The following SERAC1 variants were observed in gnomAD, a reference collection of about 807,000 sequenced individuals.
SERAC1 encodes serine active site containing 1, also known as protein SERAC1.
In SERAC1, 36 loss-of-function variants were observed where a neutral mutation model predicts 85.7. That is an observed-to-expected ratio of 0.42 (90% CI 0.32 to 0.55). The LOEUF (loss-of-function observed/expected upper bound fraction) is 0.55. Among genes scored for constraint, SERAC1 ranks in the 20% least tolerant of loss-of-function variants. The pLI, the probability that SERAC1 is intolerant of heterozygous loss-of-function variation, is 0.11. For synonymous variants in SERAC1, 242 were observed against 265.3 expected (o/e 0.91, Z 0.85); for missense variants, 629 against 796.2 (o/e 0.79, Z 2.53).
intron 8 of SERAC1, among the ~76,000 whole-genome samples, chr6:158,138,934 G>A (rs1418414443): frequency 6.6e-6 from 1 of 152,078 alleles, no homozygotes; most frequent in Non-Finnish European, 1.5e-5. Flanking sequence ...TAGAGACAGG[G>A]ACTTGTTCTG....
rs140671987 is a variant in SERAC1 at position 158,144,356 on chromosome 6, G to A, written c.552C>T (p.Ser184=). The A allele has an allele frequency of 2.6e-5, 42 of 1,613,216 alleles. No individual in the cohort carries two copies. The African/African-American group carries it at 3.6e-4, about 14-fold the overall frequency. Residue 184 remains serine (S), a synonymous_variant, in exon 7 of 17, where the codon AGC becomes AGT. Coordinates refer to ENST00000647468, the MANE Select transcript of SERAC1 (RefSeq NM_032861.4). ...DPKTLIGLAR[S]EESDLRFFLL... ...GAAAAAAGCGAAGATCACTCTCTTC[G>A]CTTCGTGCCAAACCAATAAGAGTTT...
intron 10 of SERAC1, among the ~76,000 whole-genome samples, chr6:158,127,389 T>TCA (rs1784569458): frequency 2.5e-5 from 1 of 39,832 alleles, no homozygotes; most frequent in Non-Finnish European, 5.3e-5. Context: ...TCAGCCCCCC[T>TCA]GCCCGGCCAG....
At chr6:158,153,636 G>C (rs1228753540) in intron 3 of SERAC1, among the ~76,000 whole-genome samples, 2 of 152,166 alleles carry the variant, frequency 1.3e-5, no homozygotes, top group East Asian at 3.8e-4. Flanking sequence ...AATGTTGTTT[G>C]TTGTGAATCT....
At chr6:158,158,523 T>C (rs1785412107) in intron 1 of SERAC1, 159 bp from the exon 2 acceptor site, 2 of 521,820 alleles carry the variant, frequency 3.8e-6, no homozygotes, top group African/African-American at 3.9e-5. Context: ...AAATTCTCCA[T>C]TAAAAACTTA....
chr6:158,148,599 C>T (rs1785126832), intron 5 of SERAC1, among the ~76,000 whole-genome samples: 1 of 152,028 alleles, frequency 6.6e-6, no homozygotes, highest in African/African-American at 2.4e-5. Flanking sequence ...CCCACCACCA[C>T]ACCTGGCTAA....
At chr6:158,127,017 C>T (rs1327569141) in intron 10 of SERAC1, among the ~76,000 whole-genome samples, 1 of 150,810 alleles carries the variant, frequency 6.6e-6, no homozygotes, top group Non-Finnish European at 1.5e-5. Flanking sequence ...CACACCACTG[C>T]ACTCTAGCTT....
chr6:158,167,626 C>G (rs1292986160), intron 1 of SERAC1, among the ~76,000 whole-genome samples: 1 of 151,302 alleles, frequency 6.6e-6, no homozygotes, highest in Non-Finnish European at 1.5e-5. Context: ...CATATCTCAA[C>G]TAGTAAAAAT....
chr6:158,143,809 AG>A (rs901773448), intron 7 of SERAC1, among the ~76,000 whole-genome samples: 4 of 152,146 alleles, frequency 2.6e-5, no homozygotes, highest in Admixed American at 6.6e-5. Flanking sequence ...TTTCTCAACC[AG>A]GGCCTGTTTT....
intron 10 of SERAC1, among the ~76,000 whole-genome samples, chr6:158,121,509 C>T (rs1293903901): frequency 2.0e-5 from 3 of 152,096 alleles, no homozygotes; most frequent in Non-Finnish European, 4.4e-5. Flanking sequence ...ATGTGAAAAC[C>T]GTGGGCCCAG....
chr6:158,119,277 C>G lies in SERAC1; in HGVS notation c.1167-107G>C. ...ATGGTGCTTTAGCAGGCTTATGTGA[C>G]ATAAAACTGAATTAAAGCAAGCTCT... On this transcript the variant is annotated intron_variant, in intron 11 of 16. Transcript: ENST00000647468. This position sits in a 1 kb window ranked among gnomAD's most constrained non-coding sequence, Gnocchi z 4.5. 7.6e-7 allele frequency: 1 copy of G among 1,321,942 alleles called. No individual in the cohort carries two copies. The highest frequency in any genetic ancestry group is 1.0e-6 in the Non-Finnish European group (1 of 990,310). The allele number at this position is 1,321,942 out of a possible 1,614,324, so 81.9% of individuals were successfully genotyped here. A position where few individuals can be genotyped will look rare whatever the true frequency, so the allele number is the denominator to read the frequency against.
chr6:158,155,575 T>G (rs1208978332), intron 2 of SERAC1, among the ~76,000 whole-genome samples: 2 of 152,180 alleles, frequency 1.3e-5, no homozygotes, highest in Non-Finnish European at 2.9e-5. Context: ...TGATGACATT[T>G]CATACCTCCC....
intron 8 of SERAC1, among the ~76,000 whole-genome samples, 198 bp from the exon 9 acceptor site, chr6:158,130,684 G>C (rs895223935): frequency 1.3e-5 from 2 of 152,140 alleles, no homozygotes; most frequent in African/African-American, 2.4e-5. Context: ...ATTATTCCAA[G>C]AAGAGCGCAA....
chr6:158,167,883 C>T (rs1363294729), intron 1 of SERAC1, among the ~76,000 whole-genome samples: 1 of 152,108 alleles, frequency 6.6e-6, no homozygotes, highest in Non-Finnish European at 1.5e-5. Flanking sequence ...GGAAGACGGA[C>T]CGGCAGGTGC....
At chr6:158,143,305 G>A in intron 7 of SERAC1, 121 bp from the exon 8 acceptor site, 2 of 605,520 alleles carry the variant, frequency 3.3e-6, no homozygotes, top group South Asian at 6.8e-5. Flanking sequence ...ATGTGTGCAT[G>A]TCTCTCTCTC....
At chr6:158,163,077 T>C (rs1785521824) in intron 1 of SERAC1, among the ~76,000 whole-genome samples, 1 of 152,058 alleles carries the variant, frequency 6.6e-6, no homozygotes, top group Non-Finnish European at 1.5e-5. Context: ...AAGAGAAATG[T>C]CCAATATCCC....
intron 8 of SERAC1, among the ~76,000 whole-genome samples, chr6:158,131,363 ATATT>A (rs1387951987): frequency 4.8e-5 from 7 of 147,308 alleles, no homozygotes; most frequent in Non-Finnish European, 9.0e-5. Flanking sequence ...AATATACTAT[ATATT>A]TATATCTATA....
intron 10 of SERAC1, among the ~76,000 whole-genome samples, chr6:158,121,262 G>A (rs1273610498): frequency 6.6e-6 from 1 of 152,080 alleles, no homozygotes; most frequent in Non-Finnish European, 1.5e-5. Context: ...GAGAGAGATA[G>A]GGTAGAAGAG....
intron 9 of SERAC1, among the ~76,000 whole-genome samples, chr6:158,128,612 A>G (rs1486817993): frequency 1.3e-5 from 2 of 152,164 alleles, no homozygotes; most frequent in Admixed American, 1.3e-4. Context: ...AATTACCTTA[A>G]AACAGTTCTC....
chr6:158,165,000 G>C (rs183963449), intron 1 of SERAC1, among the ~76,000 whole-genome samples: 1 of 152,290 alleles, frequency 6.6e-6, no homozygotes, highest in Non-Finnish European at 1.5e-5. Flanking sequence ...AAGGACGGTA[G>C]AGCAGCCAGA....
Sources: allele counts gnomAD v4.1 joint callset (sites outside exome capture counted in the v4.1 genomes callset), GRCh38; gene constraint gnomAD v4.1.1; non-coding constraint Gnocchi (gnomAD v3.1); transcripts MANE v1.5; gene names NCBI Gene and HGNC (gene_info 2026-07-23, HGNC 2026-07-21).